Variants in TBC1D22A observed in about 807,000 individuals in gnomAD.
TBC1D22A encodes TBC1 domain family member 22A.
TBC1D22A carries 38 observed loss-of-function variants against 60.2 expected under a neutral mutation model. The ratio of observed to expected loss-of-function variants is 0.63; its 90% CI spans 0.49 to 0.83. TBC1D22A has a LOEUF of 0.83. Among genes scored for constraint, TBC1D22A ranks in the 40% least tolerant of loss-of-function variants. The pLI, the probability that TBC1D22A is intolerant of heterozygous loss-of-function variation, is 0.00. For missense variants in TBC1D22A, 628 were observed against 701.0 expected, an observed-to-expected ratio of 0.90 and a Z score of 1.18; for synonymous variants, 302 against 281.7, an observed-to-expected ratio of 1.07 and a Z score of -0.72.
chr22:46,824,992 G>A (rs2085988017), intron 4 of TBC1D22A, among the ~76,000 whole-genome samples: 1 of 152,040 alleles, frequency 6.6e-6, no homozygotes, highest in Admixed American at 6.5e-5. Flanking sequence ...CGTGGGGTGT[G>A]GATGCTGGAG....
rs144291241 is a variant in TBC1D22A, at chr22:47,085,109, C to T, written c.1330-26399C>T. ...CAGCCTGGCCAACATGATGAAACTC[C>T]GTCTCTACTGAAAATACAAAAATTA... On this transcript the variant is annotated intron_variant, in intron 11 of 12. Transcript: ENST00000337137. 8.1e-3 allele frequency among the ~76,000 whole-genome samples: 1,226 copies of T among 152,228 alleles called. 15 individuals are homozygous for T. Among genetic ancestry groups the T allele is most frequent in the African/African-American group, 0.027 (1,140 of 41,524 alleles).
In TBC1D22A at chr22:46,923,664, C is replaced by T. The variant is rs535330831; in HGVS notation, c.1015+11476C>T. Among the ~76,000 whole-genome samples the T allele has an allele frequency of 1.0e-4, 16 of 152,386 alleles. No homozygotes were observed. In the East Asian group the frequency reaches 1.3e-3, roughly 13 times the overall value. On this transcript the variant is annotated intron_variant, in intron 8 of 12. Transcript: ENST00000337137. ...GTCCTGTGTATGGCCACCAGGCAGC[C>T]GCCGTACCACTGTGCATAAGCAGCT...
chr22:47,008,629 C>T (rs117117191), intron 10 of TBC1D22A, among the ~76,000 whole-genome samples: 534 of 152,350 alleles, frequency 3.5e-3, no homozygotes, highest in South Asian at 6.4e-3. Context: ...GATAGGACAA[C>T]GATGGGCTGC....
intron 11 of TBC1D22A, among the ~76,000 whole-genome samples, chr22:47,111,240 G>A (rs2065835352): frequency 6.6e-6 from 1 of 152,222 alleles, no homozygotes; most frequent in Admixed American, 6.5e-5. Flanking sequence ...CAAGAGAGAA[G>A]AATGAACAAC....
At chr22:47,137,431 T>C (rs1357795292) in intron 12 of TBC1D22A, among the ~76,000 whole-genome samples, 2 of 152,120 alleles carry the variant, frequency 1.3e-5, no homozygotes, top group Admixed American at 6.5e-5. Flanking sequence ...AGAGGGGACA[T>C]GTACTGCCCC....
chr22:47,150,645 G>T (rs748340401), intron 12 of TBC1D22A, among the ~76,000 whole-genome samples: 21 of 152,326 alleles, frequency 1.4e-4, no homozygotes, highest in African/African-American at 4.1e-4. Flanking sequence ...CCACAAGCAC[G>T]TGTGCCACAG....
intron 7 of TBC1D22A, among the ~76,000 whole-genome samples, chr22:46,900,218 C>A (rs2068913302): frequency 6.7e-6 from 1 of 149,414 alleles, no homozygotes; most frequent in African/African-American, 2.5e-5. Flanking sequence ...GTGGTGCGAT[C>A]TCGGCTCACT....
chr22:47,001,456 A>G (rs1439730555), intron 10 of TBC1D22A, among the ~76,000 whole-genome samples: 1 of 151,716 alleles, frequency 6.6e-6, no homozygotes, highest in South Asian at 2.1e-4. Context: ...AAAAAGAAAA[A>G]AAAAAAAAAA....
intron 8 of TBC1D22A, among the ~76,000 whole-genome samples, chr22:46,960,553 C>T (rs1569274786): frequency 6.6e-6 from 1 of 152,208 alleles, no homozygotes; most frequent in Non-Finnish European, 1.5e-5. Flanking sequence ...TGAGGCATCA[C>T]GCCTGGCCTC....
intron 11 of TBC1D22A, among the ~76,000 whole-genome samples, chr22:47,097,157 A>ACATGAGTATGGGCG (rs1556202899): frequency 2.6e-5 from 4 of 152,212 alleles, no homozygotes; most frequent in East Asian, 1.9e-4. Context: ...CGTGGCCTCC[A>ACATGAGTATGGGCG]TTAGTCCCAC....
rs1027466804 is a variant in TBC1D22A, at chr22:46,818,614, G to A, written c.637+20994G>A. 2.6e-5 allele frequency among the ~76,000 whole-genome samples: 4 copies of A among 152,248 alleles called. No individual in the cohort carries two copies. In the East Asian group the frequency reaches 5.8e-4, roughly 22 times the overall value. The stretch of plus-strand genomic sequence containing the variant: ...TCTGTTCTGCTCCATTGGTCTATAT[G>A]TCTGTTTTGGTACCAGTACCATGCA... On this transcript the variant is annotated intron_variant, in intron 4 of 12. Coordinates refer to ENST00000337137, the MANE Select transcript of TBC1D22A (RefSeq NM_014346.5).
intron 11 of TBC1D22A, among the ~76,000 whole-genome samples, chr22:47,101,782 G>A (rs1323227893): frequency 1.3e-5 from 2 of 152,164 alleles, no homozygotes; most frequent in African/African-American, 4.8e-5. Context: ...GGAACTGGGG[G>A]CTTCATCTTC....
chr22:47,159,981 TCA>T (rs1046103830), intron 12 of TBC1D22A, among the ~76,000 whole-genome samples: 1 of 146,362 alleles, frequency 6.8e-6, no homozygotes. Flanking sequence ...TACAGGTGAC[TCA>T]CACACACCCC....
chr22:47,164,704 G>A (rs139797565), intron 12 of TBC1D22A, among the ~76,000 whole-genome samples: 215 of 152,354 alleles, frequency 1.4e-3, no homozygotes, highest in African/African-American at 5.0e-3. Context: ...ACAATCTGCG[G>A]GTCTTCTGCA....
intron 4 of TBC1D22A, among the ~76,000 whole-genome samples, chr22:46,861,051 G>A (rs180854370): frequency 6.6e-6 from 1 of 152,180 alleles, no homozygotes; most frequent in South Asian, 2.1e-4. Context: ...TCTGCCTCCC[G>A]GGTTCAAGCC....
At chr22:46,867,944 T>G (rs945484976) in intron 4 of TBC1D22A, among the ~76,000 whole-genome samples, 12 of 152,128 alleles carry the variant, frequency 7.9e-5, no homozygotes, top group Non-Finnish European at 1.5e-4. Flanking sequence ...TTCTTCTCAC[T>G]GAGAAAACAA....
chr22:47,116,134 G>A (rs2147740936), intron 12 of TBC1D22A: 1 of 152,358 alleles, frequency 6.6e-6, no homozygotes, highest in Non-Finnish European at 1.5e-5. Flanking sequence ...CCCTGGGCTT[G>A]GCTGAGAGGG....
intron 11 of TBC1D22A, among the ~76,000 whole-genome samples, chr22:47,109,050 T>TA (rs1411337329): frequency 6.6e-6 from 1 of 152,208 alleles, no homozygotes; most frequent in African/African-American, 2.4e-5. Context: ...CTGTTTAAGA[T>TA]ACATTACCGA....
intron 4 of TBC1D22A, among the ~76,000 whole-genome samples, chr22:46,862,652 T>C (rs1482292779): frequency 6.6e-6 from 1 of 151,812 alleles, no homozygotes; most frequent in Non-Finnish European, 1.5e-5. Flanking sequence ...AAGCTGAGGG[T>C]CTGCAGGGGT....
Sources: allele counts gnomAD v4.1 joint callset (sites outside exome capture counted in the v4.1 genomes callset), GRCh38; gene constraint gnomAD v4.1.1; transcripts MANE v1.5; gene names NCBI Gene and HGNC (gene_info 2026-07-23, HGNC 2026-07-21).